Variants in KIR2DL1 observed in about 807,000 individuals in gnomAD.
KIR2DL1 encodes the protein killer cell immunoglobulin-like receptor 2DL1.
A neutral mutation model predicts 33.9 loss-of-function variants in KIR2DL1; 38 were observed. That is an observed-to-expected ratio of 1.12 (90% CI 0.86 to 1.47). KIR2DL1 has a LOEUF of 1.47. Ranked by LOEUF, KIR2DL1 falls within the 40% of genes most tolerant of loss-of-function variation. The probability of loss-of-function intolerance (pLI) is 0.00; values close to 1 mark genes in which losing one functional copy is unlikely to be tolerated. For missense variants in KIR2DL1, 531 were observed against 433.9 expected, an observed-to-expected ratio of 1.22 and a Z score of -1.99; for synonymous variants, 179 against 165.9, an observed-to-expected ratio of 1.08 and a Z score of -0.61.
At chr19:54,783,152 T>G (rs1398280136) in intron 6 of KIR2DL1, 129 bp downstream of exon 6, 9 of 1,105,748 alleles carry the variant, frequency 8.1e-6, no homozygotes, top group Non-Finnish European at 1.1e-5. Flanking sequence ...GAGGCAGGAC[T>G]TTCTAGAGAG....
chr19:54,776,170 A>G (rs2076308979), intron 4 of KIR2DL1, among the ~76,000 whole-genome samples: 2 of 144,018 alleles, frequency 1.4e-5, no homozygotes, highest in South Asian at 4.4e-4. Context: ...GATTACAGGC[A>G]TGGGCCACCA....
Position 54,778,474 on chromosome 19 carries a change from A to G in KIR2DL1, c.665-138A>G, listed in dbSNP as rs2076600259. On this transcript the variant is annotated intron_variant, in intron 4 of 7. Transcript: ENST00000336077. ...ACAGTGGGTGTCATATAAAAAAATT[A>G]TGGAAAAAAGGATCCCAGGACTCCC... The G allele has an allele frequency of 3.4e-6, 3 of 879,188 alleles. 1 individual carries two copies. The highest frequency in any genetic ancestry group is 5.2e-6 in the Non-Finnish European group (3 of 577,044). 54.5% of individuals were successfully genotyped at this position (879,188 alleles called of 1,614,324 possible). A position where few individuals can be genotyped will look rare whatever the true frequency, so the allele number is the denominator to read the frequency against.
chr19:54,776,729 C>T (rs1333381487), intron 4 of KIR2DL1, among the ~76,000 whole-genome samples: 3 of 145,532 alleles, frequency 2.1e-5, no homozygotes, highest in Non-Finnish European at 1.5e-5. Context: ...CAACCTCCGC[C>T]TCCTGGGTTC....
rs376479119 is a variant in KIR2DL1 at position 54,780,811 on chromosome 19, C to A, written c.716-2111C>A. On this transcript the variant is annotated intron_variant, in intron 5 of 7. Transcript: ENST00000336077. The stretch of plus-strand genomic sequence containing the variant: ...CTTTCTGAGATTTATTCATCCTACA[C>A]ATAAATCAATACCTGGCAAAGGAGT... Among the ~76,000 whole-genome samples the A allele has an allele frequency of 1.6e-5, 2 of 126,124 alleles. 1 individual carries two copies. Among genetic ancestry groups the A allele is most frequent in the African/African-American group, 5.9e-5 (2 of 33,626 alleles). 82.7% of individuals were successfully genotyped at this position (126,124 alleles called of 152,430 possible). A position where few individuals can be genotyped will look rare whatever the true frequency, so the allele number is the denominator to read the frequency against.
At chr19:54,775,577 G>A (rs1413274241) in intron 4 of KIR2DL1, 119 bp downstream of exon 4, 2 of 1,308,100 alleles carry the variant, frequency 1.5e-6, no homozygotes, top group Non-Finnish European at 2.1e-6. Context: ...GCCTCGGTGT[G>A]AGGGAGGGAT....
At position 54,780,270 on chromosome 19, in the gene KIR2DL1, T is replaced by G. The variant is rs1439720782; in HGVS notation, c.715+1608T>G. ...TCAGGTGACAAAGAAGGTCTCACTATTCAGATATTTGTGACATTAATGAAA... is the reference window on the plus strand; with the variant it reads ...TCAGGTGACAAAGAAGGTCTCACTAGTCAGATATTTGTGACATTAATGAAA... On this transcript the variant is annotated intron_variant, in intron 5 of 7. Transcript: ENST00000336077. 1.2e-5 allele frequency: 5 copies of G among 409,196 alleles called. No individual in the cohort carries two copies. In the Admixed American group the frequency reaches 1.9e-4, roughly 15 times the overall value. 25.3% of individuals were successfully genotyped at this position (409,196 alleles called of 1,614,324 possible).
Position 54,774,253 on chromosome 19 carries a change from G to A in KIR2DL1, c.370+621G>A, listed in dbSNP as rs1188197343. Among the ~76,000 whole-genome samples, 5 of 148,136 alleles carry A rather than the reference G, an allele frequency of 3.4e-5. 1 individual carries two copies. The highest frequency in any genetic ancestry group is 7.6e-5 in the Non-Finnish European group (5 of 66,186). On this transcript the variant is annotated intron_variant, in intron 3 of 7. Coordinates refer to ENST00000336077, the MANE Select transcript of KIR2DL1 (RefSeq NM_014218.3). ...AGTGAGAGGCACAGAGAGAAATCAG[G>A]GACACCAAAAAGCAAAGACATAAAC...
At chr19:54,782,863 C>T (rs1319699221) in intron 5 of KIR2DL1, 59 bp from the exon 6 acceptor site, 1 of 1,566,666 alleles carries the variant, frequency 6.4e-7, no homozygotes, top group Non-Finnish European at 8.8e-7. Flanking sequence ...AAATGCGAGA[C>T]AATTCATAAA....
At position 54,782,996 on chromosome 19, in the gene KIR2DL1, C is replaced by T; in HGVS notation, c.790C>T (p.Leu264Phe). The change falls in exon 6 of 8, where the codon CTT (leucine) becomes TTT (phenylalanine). Residue 264 changes from leucine (L) to phenylalanine (F), a missense_variant. Leu to Phe is a conservative substitution (Grantham distance 22, BLOSUM62 0). Coordinates refer to ENST00000336077, the MANE Select transcript of KIR2DL1 (RefSeq NM_014218.3). ...IILFILLFFL[L>F]HRWCSNKKNA... is the part of the protein sequence containing the mutation. ...CCTCTTCATCCTCCTCTTCTTTCTC[C>T]TTCATCGCTGGTGCTCCAACAAAAA... 1.2e-6 allele frequency: 2 copies of T among 1,613,708 alleles called. No individual in the cohort carries two copies. Among genetic ancestry groups the T allele is most frequent in the Admixed American group, 1.7e-5 (1 of 60,022 alleles).
intron 2 of KIR2DL1, among the ~76,000 whole-genome samples, chr19:54,772,177 G>A (rs671069): frequency 0.18 from 25,303 of 144,276 alleles, 753 homozygotes; most frequent in South Asian, 0.29. Context: ...TGGGGAGACA[G>A]CCTGGACTGT....
At chr19:54,780,596 G>A (rs202135699) in intron 5 of KIR2DL1, among the ~76,000 whole-genome samples, 1,533 of 131,248 alleles carry the variant, frequency 0.012, no homozygotes, top group South Asian at 0.018. Context: ...GGGAGGCCCA[G>A]GTGCATAACT....
chr19:54,778,764 CTT>C, intron 5 of KIR2DL1, 102 bp downstream of exon 5: 1 of 1,247,758 alleles, frequency 8.0e-7, no homozygotes, highest in Non-Finnish European at 1.2e-6. Context: ...ACATTGTACA[CTT>C]GTCTTCCACC....
At chr19:54,775,589 AG>A in intron 4 of KIR2DL1, 131 bp downstream of exon 4, 1 of 1,258,392 alleles carries the variant, frequency 7.9e-7, no homozygotes. Flanking sequence ...GGGAGGGATC[AG>A]GGCACAGGAT....
chr19:54,771,435 C>T (rs1356710288), intron 2 of KIR2DL1, among the ~76,000 whole-genome samples: 2 of 148,150 alleles, frequency 1.3e-5, no homozygotes, highest in Non-Finnish European at 3.0e-5. Flanking sequence ...TCTCAGCTGA[C>T]ACTTTTGTTG....
At position 54,780,217 on chromosome 19, in the gene KIR2DL1, A is replaced by G. The variant is rs2076791967; in HGVS notation, c.715+1555A>G. On this transcript the variant is annotated intron_variant, in intron 5 of 7. Transcript: ENST00000336077. ...CTGTGCCCAGCCAGAATTCAAAATC[A>G]ATAATAGATAATGCTGAGTGTATGA... The G allele has an allele frequency of 6.2e-6, 3 of 483,776 alleles. No homozygotes were observed. In the South Asian group the frequency reaches 8.0e-5, roughly 13 times the overall value. 30.0% of individuals were successfully genotyped at this position (483,776 alleles called of 1,614,324 possible).
rs369732363 is a variant in KIR2DL1, at chr19:54,775,207, C to T, written c.413C>T (p.Thr138Met). 112 of 1,597,828 alleles carry T rather than the reference C, an allele frequency of 7.0e-5. 4 individuals are homozygous for T. The highest frequency in any genetic ancestry group is 1.8e-4 in the East Asian group (8 of 44,834). ...TCTCTCTCAGCCCAGCTGGGCCCCA[C>T]GGTTCTGGCAGGAGAGAATGTGACC... ...KPSLSAQLGPTVLAGENVTLS... is the reference protein window; with the variant it reads ...KPSLSAQLGPMVLAGENVTLS... Residue 138 changes from threonine to methionine, a missense_variant, in exon 4 of 8, where the codon ACG (threonine) becomes ATG (methionine). Coordinates refer to ENST00000336077, the MANE Select transcript of KIR2DL1 (RefSeq NM_014218.3).
intron 2 of KIR2DL1, among the ~76,000 whole-genome samples, chr19:54,772,143 G>A (rs1001062397): frequency 1.4e-5 from 2 of 148,088 alleles, no homozygotes; most frequent in African/African-American, 2.5e-5. Flanking sequence ...TGGAGCTCAG[G>A]TTGTTGATGA....
chr19:54,783,495 T>C lies in KIR2DL1; in HGVS notation c.827T>C (p.Val276Ala). 6.2e-7 allele frequency: 1 copy of C among 1,613,454 alleles called. No homozygotes were observed. The highest frequency in any genetic ancestry group is 8.5e-7 in the Non-Finnish European group (1 of 1,179,692). The change falls in exon 7 of 8, where the codon GTA becomes GCA. Residue 276 changes from valine to alanine, a missense_variant. Transcript: ENST00000336077. ...CTTCCATCTTCTACAGATGCTGCGG[T>C]AATGGACCAAGAGTCTGCAGGAAAC... ...RWCSNKKNAA[V>A]MDQESAGNRT...
chr19:54,771,565 G>A (rs2075730889), intron 2 of KIR2DL1, among the ~76,000 whole-genome samples: 1 of 147,280 alleles, frequency 6.8e-6, no homozygotes, highest in African/African-American at 2.5e-5. Context: ...GGAGGGAGGG[G>A]CGGCTCCACA....
Sources: allele counts gnomAD v4.1 joint callset (sites outside exome capture counted in the v4.1 genomes callset), GRCh38; gene constraint gnomAD v4.1.1; transcripts MANE v1.5; gene names NCBI Gene and HGNC (gene_info 2026-07-23, HGNC 2026-07-21).